The following OPCML variants were observed in gnomAD, a reference collection of about 807,000 sequenced individuals.
OPCML encodes opioid binding protein/cell adhesion molecule like.
Under a neutral mutation model 37.8 loss-of-function variants are expected in OPCML, and 13 were observed. The observed-to-expected ratio is 0.34, with a 90% CI of 0.22 to 0.55. The LOEUF is 0.55. Ranked by LOEUF, OPCML falls within the 20% of genes least tolerant of loss-of-function variation. The pLI, the probability that OPCML is intolerant of heterozygous loss-of-function variation, is 0.91. For missense variants in OPCML, 341 were observed against 435.6 expected (o/e 0.78, Z 1.93); for synonymous variants, 176 against 168.8 (o/e 1.04, Z -0.33).
At chr11:133,320,548 A>G (rs1179463307) in intron 1 of OPCML, among the ~76,000 whole-genome samples, 2 of 151,042 alleles carry the variant, frequency 1.3e-5, no homozygotes, top group South Asian at 4.2e-4. Context: ...TAAACATCTA[A>G]TAAGTGTTAG....
At chr11:133,025,092 C>G in intron 1 of OPCML, 1 of 827,832 alleles carries the variant, frequency 1.2e-6, no homozygotes, top group East Asian at 1.2e-4. Flanking sequence ...AAGCCTAGAG[C>G]TAATTTTCCT....
chr11:133,420,571 C>T, intron 1 of OPCML: 1 of 984,264 alleles, frequency 1.0e-6, no homozygotes, highest in Non-Finnish European at 1.2e-6. Context: ...GCTATTTACT[C>T]CCTCATTAAC....
At chr11:132,605,088 G>A (rs1938192350) in intron 3 of OPCML, among the ~76,000 whole-genome samples, 2 of 152,184 alleles carry the variant, frequency 1.3e-5, no homozygotes, top group Admixed American at 6.5e-5. Context: ...TCACACGCCA[G>A]CTGTGTGACT....
intron 1 of OPCML, among the ~76,000 whole-genome samples, chr11:133,309,152 A>G (rs1255358396): frequency 6.6e-6 from 1 of 152,204 alleles, no homozygotes; most frequent in Non-Finnish European, 1.5e-5. Flanking sequence ...CAGAAACAAG[A>G]TACATTTCTC....
chr11:133,082,332 C>T (rs867913553), intron 1 of OPCML, among the ~76,000 whole-genome samples: 3 of 150,764 alleles, frequency 2.0e-5, no homozygotes, highest in African/African-American at 4.9e-5. Flanking sequence ...AAGGGAAGGC[C>T]GGGTCTGCCC....
At chr11:133,083,515 G>A (rs916846543) in intron 1 of OPCML, among the ~76,000 whole-genome samples, 1 of 152,230 alleles carries the variant, frequency 6.6e-6, no homozygotes, top group South Asian at 2.1e-4. Flanking sequence ...TGCATCCAGC[G>A]TGCCTGCTCC....
intron 2 of OPCML, among the ~76,000 whole-genome samples, chr11:132,733,621 TG>T (rs1266638997): frequency 6.6e-6 from 1 of 152,206 alleles, no homozygotes; most frequent in African/African-American, 2.4e-5. Context: ...ACATTAGTAG[TG>T]GCACAAATCC....
intron 3 of OPCML, among the ~76,000 whole-genome samples, chr11:132,623,157 C>T (rs1343894458): frequency 6.6e-6 from 1 of 152,172 alleles, no homozygotes; most frequent in African/African-American, 2.4e-5. Context: ...TTAATGTTTG[C>T]TCCACAAACG....
intron 1 of OPCML, among the ~76,000 whole-genome samples, chr11:133,146,553 C>G (rs1371245949): frequency 6.6e-6 from 1 of 152,042 alleles, no homozygotes; most frequent in Non-Finnish European, 1.5e-5. Context: ...GACCTTGTGA[C>G]TTGCCCGCCT....
intron 2 of OPCML, among the ~76,000 whole-genome samples, chr11:132,769,656 G>A (rs1591584342): frequency 6.6e-6 from 1 of 152,162 alleles, no homozygotes; most frequent in African/African-American, 2.4e-5. Context: ...TAAATCCTCA[G>A]CATGTAAAGG....
intron 3 of OPCML, among the ~76,000 whole-genome samples, chr11:132,559,693 C>G (rs548548203): frequency 6.6e-6 from 1 of 152,064 alleles, no homozygotes; most frequent in African/African-American, 2.4e-5. Flanking sequence ...TGTGTCAACT[C>G]GTAAAGAGAG....
chr11:133,223,049 T>G (rs774122533), intron 1 of OPCML, among the ~76,000 whole-genome samples: 2 of 152,192 alleles, frequency 1.3e-5, no homozygotes, highest in African/African-American at 2.4e-5. Context: ...TACCAAGACG[T>G]GGGCAGCCCT....
intron 1 of OPCML, among the ~76,000 whole-genome samples, chr11:133,440,339 C>A (rs562433939): frequency 4.8e-5 from 7 of 147,302 alleles, no homozygotes; most frequent in Non-Finnish European, 8.9e-5. Context: ...GCATAGGTTG[C>A]GGTGAGCCAA....
chr11:133,217,615 C>T (rs1311826383), intron 1 of OPCML, among the ~76,000 whole-genome samples: 4 of 152,192 alleles, frequency 2.6e-5, no homozygotes, highest in Non-Finnish European at 5.9e-5. Context: ...CATTTCCTTG[C>T]TTGGTGAAGC....
At chr11:133,042,028 G>A (rs1947907941) in intron 1 of OPCML, among the ~76,000 whole-genome samples, 1 of 152,146 alleles carries the variant, frequency 6.6e-6, no homozygotes, top group Non-Finnish European at 1.5e-5. Context: ...CACTCAGCAT[G>A]CCGTGCAGAG....
chr11:132,809,837 T>G (rs928784974), intron 2 of OPCML, among the ~76,000 whole-genome samples: 8 of 151,890 alleles, frequency 5.3e-5, no homozygotes, highest in African/African-American at 1.9e-4. Context: ...TTCTTGTTTA[T>G]TTATGTACTT....
chr11:132,768,415 ACT>A (rs1156757771), intron 2 of OPCML, among the ~76,000 whole-genome samples: 1 of 152,192 alleles, frequency 6.6e-6, no homozygotes, highest in Non-Finnish European at 1.5e-5. Flanking sequence ...AGACCACTGA[ACT>A]ATCCATCGTC....
intron 2 of OPCML, among the ~76,000 whole-genome samples, chr11:132,897,623 C>G (rs1291247384): frequency 1.3e-5 from 2 of 152,152 alleles, no homozygotes; most frequent in Non-Finnish European, 2.9e-5. Flanking sequence ...GATACAGAGG[C>G]ACCAGCTAAA....
chr11:132,485,893 TTAAA>T (rs1375052808), intron 4 of OPCML, among the ~76,000 whole-genome samples: 3 of 152,234 alleles, frequency 2.0e-5, no homozygotes, highest in Admixed American at 6.5e-5. Context: ...CTCATTTCTC[TTAAA>T]TAAATACCTA....
Sources: allele counts gnomAD v4.1 joint callset (sites outside exome capture counted in the v4.1 genomes callset), GRCh38; gene constraint gnomAD v4.1.1; transcripts MANE v1.5; gene names NCBI Gene and HGNC (gene_info 2026-07-23, HGNC 2026-07-21).